ANP32A: variants seen among roughly 807,000 people sequenced by gnomAD.
The protein encoded by ANP32A is acidic nuclear phosphoprotein 32 family member A.
A neutral mutation model predicts 33.9 loss-of-function variants in ANP32A; 1 was observed. That is an observed-to-expected ratio of 0.03 (90% confidence interval 0.01 to 0.14). The LOEUF is 0.14. Among genes scored for constraint, ANP32A ranks in the 10% least tolerant of loss-of-function variants. ANP32A has a pLI of 1.00. For synonymous variants in ANP32A, 115 were observed against 120.5 expected, an observed-to-expected ratio of 0.95 and a Z score of 0.30; for missense variants, 155 against 306.0, an observed-to-expected ratio of 0.51 and a Z score of 3.68.
intron 1 of ANP32A, among the ~76,000 whole-genome samples, chr15:68,819,668 G>C (rs1438905814): frequency 6.6e-6 from 1 of 152,256 alleles, no homozygotes; most frequent in Non-Finnish European, 1.5e-5. Flanking sequence ...GAGAAAGACG[G>C]GCCGGGGGTT....
At chr15:68,807,387 AGCTTG>A (rs1283214521) in intron 1 of ANP32A, among the ~76,000 whole-genome samples, 1 of 142,978 alleles carries the variant, frequency 7.0e-6, no homozygotes, top group East Asian at 2.3e-4. Context: ...GGATGCCTGC[AGCTTG>A]GCTGGTATTC....
chr15:68,795,436 G>C (rs907098510), intron 1 of ANP32A, among the ~76,000 whole-genome samples: 2 of 152,228 alleles, frequency 1.3e-5, no homozygotes, highest in Non-Finnish European at 2.9e-5. Flanking sequence ...GCTGAGGCGC[G>C]CTGCAGCGGT....
At chr15:68,806,781 A>C (rs2140370705) in intron 1 of ANP32A, among the ~76,000 whole-genome samples, 1 of 152,390 alleles carries the variant, frequency 6.6e-6, no homozygotes, top group East Asian at 1.9e-4. Flanking sequence ...GGGGAAAGGA[A>C]GACGTGCAGA....
At chr15:68,814,826 C>T (rs1334590094) in intron 1 of ANP32A, among the ~76,000 whole-genome samples, 1 of 152,212 alleles carries the variant, frequency 6.6e-6, no homozygotes, top group Non-Finnish European at 1.5e-5. Context: ...CTCTGAAAGG[C>T]TGATGTGAGC....
intron 4 of ANP32A, 70 bp from the exon 5 acceptor site, chr15:68,783,123 G>A (rs1283674579): frequency 1.3e-5 from 20 of 1,540,794 alleles, no homozygotes; most frequent in South Asian, 2.4e-5. Context: ...CACAGCACAG[G>A]CCCCTTGTAG....
At chr15:68,819,816 T>A (rs1894445845) in intron 1 of ANP32A, among the ~76,000 whole-genome samples, 1 of 152,206 alleles carries the variant, frequency 6.6e-6, no homozygotes, top group Admixed American at 6.5e-5. Context: ...GGGGATTATC[T>A]GTGCCTTAGC....
chr15:68,784,221 A>T (rs982295307), intron 4 of ANP32A, 176 bp downstream of exon 4: 28 of 668,672 alleles, frequency 4.2e-5, no homozygotes, highest in Middle Eastern at 2.5e-4. Flanking sequence ...AACAAAGCAG[A>T]CAGCCCTACT....
chr15:68,791,625 C>G (rs764222724), intron 1 of ANP32A: 2 of 152,826 alleles, frequency 1.3e-5, no homozygotes, highest in South Asian at 4.1e-4. Context: ...CCCCAAATAG[C>G]AAGAGGTTGC....
rs1187420184 is a variant in ANP32A, at chr15:68,787,896, G to A, written c.78C>T (p.Asn26=). ...CGAGTTTGCCTTCATTCGACCGACT[G>A]TTGTCCAGGACAAGTTCTTTCACCT... ...PSDVKELVLD[N]SRSNEGKLEG... The change falls in exon 2 of 7, where the codon AAC becomes AAT. Residue 26 remains asparagine, a synonymous_variant. Transcript: ENST00000465139. 2 of 1,614,068 alleles carry A rather than the reference G, an allele frequency of 1.2e-6. No individual in the cohort carries two copies. The highest frequency in any genetic ancestry group is 1.3e-5 in the African/African-American group (1 of 74,918).
rs762322052 is a variant in ANP32A, at chr15:68,780,453, G to A, written c.645C>T (p.Asn215=). 1.5e-5 allele frequency: 24 copies of A among 1,613,738 alleles called. No homozygotes were observed. The highest frequency in any genetic ancestry group is 1.6e-4 in the Middle Eastern group (1 of 6,082). The stretch of plus-strand genomic sequence containing the variant: ...CTTCCTCGTCATCTACCTCTCCATC[G>A]TTATAACCTTCTTCATCCTCCTAGG... ...GEEEEDEEGY[N]DGEVDDEEDE... is the part of the protein sequence containing the mutation. Residue 215 remains asparagine (N), a synonymous_variant, in exon 6 of 7, where the codon AAC becomes AAT. Coordinates refer to ENST00000465139, the MANE Select transcript of ANP32A (RefSeq NM_006305.4). This position sits in a 1 kb window ranked among gnomAD's most constrained non-coding sequence, Gnocchi z 4.3.
chr15:68,806,638 C>T (rs1438763570), intron 1 of ANP32A, among the ~76,000 whole-genome samples: 1 of 152,246 alleles, frequency 6.6e-6, no homozygotes, highest in Admixed American at 6.5e-5. Flanking sequence ...AAGAACAGAA[C>T]TGCTCATTAT....
At chr15:68,784,290 G>A in intron 4 of ANP32A, 107 bp downstream of exon 4, 1 of 1,294,980 alleles carries the variant, frequency 7.7e-7, no homozygotes, top group Non-Finnish European at 1.1e-6. Flanking sequence ...TTCAGTAGCT[G>A]GGTGGGGGCC....
At chr15:68,804,296 G>C (rs1894182646) in intron 1 of ANP32A, among the ~76,000 whole-genome samples, 1 of 152,078 alleles carries the variant, frequency 6.6e-6, no homozygotes, top group Non-Finnish European at 1.5e-5. Flanking sequence ...GGATGACCTG[G>C]TTTTGTATCC....
chr15:68,818,692 C>T (rs1894425819), intron 1 of ANP32A, among the ~76,000 whole-genome samples: 1 of 152,124 alleles, frequency 6.6e-6, no homozygotes, highest in African/African-American at 2.4e-5. Flanking sequence ...GGGGGGCCGG[C>T]AGCGTCGGTC....
At chr15:68,806,574 C>T (rs916133148) in intron 1 of ANP32A, among the ~76,000 whole-genome samples, 1 of 152,212 alleles carries the variant, frequency 6.6e-6, no homozygotes, top group Non-Finnish European at 1.5e-5. Context: ...TACTTTTAAC[C>T]AAGACACAGA....
At position 68,820,846 on chromosome 15, in the gene ANP32A, T is replaced by C; in HGVS notation, c.-95A>G. On this transcript the variant is annotated 5_prime_UTR_variant, in exon 1 of 7. Coordinates refer to ENST00000465139, the MANE Select transcript of ANP32A (RefSeq NM_006305.4). ...CCGCGCGTTTTAGGACTTTGAAGGC[T>C]CAACCAGCTCCGCTCGGTTCTCGAG... 1 of 1,447,162 alleles carries C rather than the reference T, an allele frequency of 6.9e-7. No individual in the cohort carries two copies. Among genetic ancestry groups the C allele is most frequent in the Non-Finnish European group, 9.6e-7 (1 of 1,038,642 alleles). The allele number at this position is 1,447,162 out of a possible 1,614,324, so 89.6% of individuals were successfully genotyped here.
chr15:68,804,496 A>G (rs1188072737), intron 1 of ANP32A, among the ~76,000 whole-genome samples: 2 of 152,262 alleles, frequency 1.3e-5, no homozygotes, highest in African/African-American at 4.8e-5. Context: ...CACATTTTTA[A>G]AAAGATATTA....
chr15:68,794,709 C>A (rs1894040963), intron 1 of ANP32A, among the ~76,000 whole-genome samples: 2 of 152,202 alleles, frequency 1.3e-5, no homozygotes, highest in South Asian at 4.1e-4. Flanking sequence ...TTTTGCTGAA[C>A]AGCCAGTGTG....
intron 1 of ANP32A, among the ~76,000 whole-genome samples, chr15:68,794,837 C>A (rs367658160): frequency 6.2e-4 from 94 of 152,284 alleles, no homozygotes; most frequent in African/African-American, 2.1e-3. Context: ...CAGTGGCTTT[C>A]TACATTTTAC....
Sources: allele counts gnomAD v4.1 joint callset (sites outside exome capture counted in the v4.1 genomes callset), GRCh38; gene constraint gnomAD v4.1.1; non-coding constraint Gnocchi (gnomAD v3.1); transcripts MANE v1.5; gene names NCBI Gene and HGNC (gene_info 2026-07-23, HGNC 2026-07-21).